Variants in UBASH3B observed in about 807,000 individuals in gnomAD.
UBASH3B encodes ubiquitin associated and SH3 domain containing B, also known as ubiquitin-associated and SH3 domain-containing protein B.
A neutral mutation model predicts 83.4 loss-of-function variants in UBASH3B; 37 were observed. That is an observed-to-expected ratio of 0.44 (90% confidence interval 0.34 to 0.58). The LOEUF is 0.58. Ranked by LOEUF, UBASH3B falls within the 20% of genes least tolerant of loss-of-function variation. The probability of loss-of-function intolerance (pLI) is 0.01; values close to 1 mark genes in which losing one functional copy is unlikely to be tolerated. For missense variants in UBASH3B, 657 were observed against 827.2 expected, an observed-to-expected ratio of 0.79 and a Z score of 2.52; for synonymous variants, 304 against 318.3, an observed-to-expected ratio of 0.96 and a Z score of 0.48.
chr11:122,783,341 A>G (rs1369961319), intron 5 of UBASH3B, 119 bp downstream of exon 5: 5 of 1,224,278 alleles, frequency 4.1e-6, no homozygotes, highest in African/African-American at 1.5e-5. Context: ...CACCTAACAG[A>G]GAGTCCGTTG....
In UBASH3B at chr11:122,663,611, G is replaced by T. The variant is rs570754407; in HGVS notation, c.161+7401G>T. On this transcript the variant is annotated intron_variant, in intron 1 of 13. Coordinates refer to ENST00000284273, the MANE Select transcript of UBASH3B (RefSeq NM_032873.5). The stretch of plus-strand genomic sequence containing the variant: ...GTCTCCCGCCAGCTTTGCTCCAGCT[G>T]ATGATGATGTGGTGGTACTATCACT... Among the ~76,000 whole-genome samples, 10 of 152,146 alleles carry T rather than the reference G, an allele frequency of 6.6e-5. No individual in the cohort carries two copies. The South Asian group carries it at 2.1e-3, about 32-fold the overall frequency.
intron 5 of UBASH3B, among the ~76,000 whole-genome samples, chr11:122,786,081 A>G (rs558922514): frequency 6.6e-6 from 1 of 151,798 alleles, no homozygotes; most frequent in South Asian, 2.1e-4. Flanking sequence ...ACGGAGTCTT[A>G]CTCTGTCGCC....
intron 8 of UBASH3B, among the ~76,000 whole-genome samples, 163 bp downstream of exon 8, chr11:122,796,439 GAAGT>G (rs1020443445): frequency 4.6e-5 from 7 of 152,166 alleles, no homozygotes; most frequent in African/African-American, 1.4e-4. Flanking sequence ...CTTTAGAGAA[GAAGT>G]AAGTGTTCTT....
intron 1 of UBASH3B, among the ~76,000 whole-genome samples, chr11:122,772,803 CT>C (rs1860670276): frequency 6.6e-6 from 1 of 152,168 alleles, no homozygotes. Flanking sequence ...TTTCTTTGTG[CT>C]GTTCTTCTCC....
rs1207974129 is a variant in UBASH3B at position 122,758,255 on chromosome 11, T to A, written c.162-17964T>A. Among the ~76,000 whole-genome samples the A allele has an allele frequency of 2.0e-5, 3 of 152,160 alleles. No homozygotes were observed. The highest frequency in any genetic ancestry group is 7.2e-5 in the African/African-American group (3 of 41,426). ...TGGACCCCTCTCACTTCCTGGCGTG[T>A]TTGGTCAAGTCCCATTTATAATATG... On this transcript the variant is annotated intron_variant, in intron 1 of 13. Coordinates refer to ENST00000284273, the MANE Select transcript of UBASH3B (RefSeq NM_032873.5). The surrounding 1 kb of genome is among the most constrained non-coding windows in gnomAD (Gnocchi z 4.2).
At chr11:122,658,339 T>C (rs1247976642) in intron 1 of UBASH3B, among the ~76,000 whole-genome samples, 2 of 152,196 alleles carry the variant, frequency 1.3e-5, no homozygotes. Flanking sequence ...AACTCCTCAG[T>C]CATATTTGAG....
At chr11:122,764,298 G>A (rs1048563987) in intron 1 of UBASH3B, among the ~76,000 whole-genome samples, 4 of 152,282 alleles carry the variant, frequency 2.6e-5, no homozygotes, top group South Asian at 4.1e-4. Context: ...TATCACTTAC[G>A]GTTGTTTCTG....
chr11:122,683,673 A>G (rs1863773251), intron 1 of UBASH3B, among the ~76,000 whole-genome samples: 1 of 151,560 alleles, frequency 6.6e-6, no homozygotes, highest in Admixed American at 6.6e-5. Context: ...CCTGAAAAAT[A>G]ATTACTTAAT....
intron 1 of UBASH3B, among the ~76,000 whole-genome samples, chr11:122,667,260 T>G (rs1006248767): frequency 6.6e-6 from 1 of 151,984 alleles, no homozygotes; most frequent in African/African-American, 2.4e-5. Flanking sequence ...TTGGCCAGGC[T>G]GGTCTCAAAC....
intron 1 of UBASH3B, among the ~76,000 whole-genome samples, chr11:122,656,556 G>T (rs1863366979): frequency 6.6e-6 from 1 of 152,190 alleles, no homozygotes; most frequent in African/African-American, 2.4e-5. Flanking sequence ...CTCCAGCGCC[G>T]AGCGCCTAGG....
At chr11:122,768,374 C>T (rs1234505560) in intron 1 of UBASH3B, among the ~76,000 whole-genome samples, 1 of 151,514 alleles carries the variant, frequency 6.6e-6, no homozygotes, top group African/African-American at 2.4e-5. Context: ...GTTTCAAATA[C>T]CATATTGCAG....
chr11:122,700,747 T>C (rs1460491480), intron 1 of UBASH3B, among the ~76,000 whole-genome samples: 1 of 152,190 alleles, frequency 6.6e-6, no homozygotes, highest in Non-Finnish European at 1.5e-5. Context: ...TCCACCCTCC[T>C]CGGCCTCCCA....
intron 1 of UBASH3B, among the ~76,000 whole-genome samples, chr11:122,659,878 C>T (rs950061459): frequency 1.1e-4 from 16 of 151,970 alleles, no homozygotes; most frequent in African/African-American, 2.9e-4. Flanking sequence ...TGGTGGTGTG[C>T]GGCACCAAGA....
At chr11:122,703,462 C>T (rs1051924174) in intron 1 of UBASH3B, among the ~76,000 whole-genome samples, 3 of 152,094 alleles carry the variant, frequency 2.0e-5, no homozygotes, top group Admixed American at 2.0e-4. Context: ...TGTTTCTCCC[C>T]TCCACCACCG....
intron 11 of UBASH3B, among the ~76,000 whole-genome samples, chr11:122,805,583 AT>A (rs1861326492): frequency 6.6e-6 from 1 of 152,140 alleles, no homozygotes; most frequent in South Asian, 2.1e-4. Context: ...AAATAAATAA[AT>A]AAAAATTTTA....
At chr11:122,762,172 A>G (rs996616017) in intron 1 of UBASH3B, among the ~76,000 whole-genome samples, 1 of 152,134 alleles carries the variant, frequency 6.6e-6, no homozygotes, top group African/African-American at 2.4e-5. Flanking sequence ...TCATTCTGGA[A>G]TCACCGTGCC....
chr11:122,775,599 C>A (rs182960267), intron 1 of UBASH3B: 2 of 152,148 alleles, frequency 1.3e-5, no homozygotes, highest in East Asian at 3.9e-4. Context: ...ATAATGATAT[C>A]CTGTCTCTAC....
Position 122,801,221 on chromosome 11 carries a change from T to C in UBASH3B, c.1484T>C (p.Val495Ala). 6.2e-7 allele frequency: 1 copy of C among 1,614,232 alleles called. No individual in the cohort carries two copies. Among genetic ancestry groups the C allele is most frequent in the Non-Finnish European group, 8.5e-7 (1 of 1,180,028 alleles). Residue 495 changes from valine to alanine, a missense_variant, in exon 11 of 14, where the codon GTA becomes GCA. Coordinates refer to ENST00000284273, the MANE Select transcript of UBASH3B (RefSeq NM_032873.5). ...LQQENHLKIR[V>A]EPGLFEWTKW... ...CAAGAAAATCACTTGAAGATCCGTGTAGAGCCCGGCTTATTTGAGTGGACA... is the reference window on the plus strand; with the variant it reads ...CAAGAAAATCACTTGAAGATCCGTGCAGAGCCCGGCTTATTTGAGTGGACA...
intron 6 of UBASH3B, 42 bp downstream of exon 6, chr11:122,789,350 G>T (rs1318994287): frequency 4.4e-6 from 7 of 1,604,596 alleles, no homozygotes; most frequent in Non-Finnish European, 6.0e-6. Flanking sequence ...GAAGAATGTT[G>T]CTAAGGCAGA....
Sources: gnomAD v4.1 joint callset for allele counts (sites outside exome capture counted in the v4.1 genomes callset) on GRCh38, gnomAD v4.1.1 for gene constraint, Gnocchi (gnomAD v3.1) non-coding constraint, MANE v1.5 for transcripts, NCBI Gene and HGNC (gene_info 2026-07-23, HGNC 2026-07-21) for gene names.